Variants in ARHGAP39 observed in about 807,000 individuals in gnomAD.
ARHGAP39 encodes the protein rho GTPase-activating protein 39.
Under a neutral mutation model 106.9 loss-of-function variants are expected in ARHGAP39, and 44 were observed. The ratio of observed to expected loss-of-function variants is 0.41; its 90% CI spans 0.32 to 0.53. The LOEUF is 0.53. Ranked by LOEUF, ARHGAP39 falls within the 20% of genes least tolerant of loss-of-function variation. The pLI is 0.21. For missense variants in ARHGAP39, 1,496 were observed against 1,577.3 expected (o/e 0.95, Z 0.87); for synonymous variants, 768 against 693.2 (o/e 1.11, Z -1.69).
At chr8:144,681,643 A>T (rs369895663) in intron 1 of ARHGAP39, among the ~76,000 whole-genome samples, 3 of 152,342 alleles carry the variant, frequency 2.0e-5, no homozygotes, top group Admixed American at 6.5e-5. Context: ...AGGACATGCC[A>T]ACTCTCCATG....
chr8:144,598,233 G>A (rs905003901), intron 2 of ARHGAP39, among the ~76,000 whole-genome samples: 1 of 152,220 alleles, frequency 6.6e-6, no homozygotes, highest in African/African-American at 2.4e-5. Context: ...GTGTAAAGGG[G>A]AAACTCGGAA....
chr8:144,547,937 C>G lies in ARHGAP39; in HGVS notation c.1149G>C (p.Leu383=). Reference sequence around the variant, plus strand: ...TGCCGGCGGGACTGTACTCCAGGCTCAGGAAGCGCTCGGGACACTTCTGCT... The same window carrying G: ...TGCCGGCGGGACTGTACTCCAGGCTGAGGAAGCGCTCGGGACACTTCTGCT... ...LTKQKCPERF[L]SLEYSPAGKE... The change falls in exon 5 of 12, where the codon CTG becomes CTC. Residue 383 remains leucine, a synonymous_variant. Coordinates refer to ENST00000377307, the MANE Select transcript of ARHGAP39 (RefSeq NM_025251.3). The surrounding 1 kb of genome is among the most constrained non-coding windows in gnomAD (Gnocchi z 5.2). 6.3e-7 allele frequency: 1 copy of G among 1,593,738 alleles called. No homozygotes were observed. The highest frequency in any genetic ancestry group is 8.5e-7 in the Non-Finnish European group (1 of 1,170,610).
intron 3 of ARHGAP39, among the ~76,000 whole-genome samples, chr8:144,556,558 T>C (rs965977763): frequency 7.3e-5 from 11 of 151,154 alleles, no homozygotes; most frequent in Non-Finnish European, 1.5e-4. Flanking sequence ...TGAACCTTCA[T>C]AGTATTCAGA....
chr8:144,659,157 G>T (rs117558935), intron 1 of ARHGAP39, among the ~76,000 whole-genome samples: 2 of 152,044 alleles, frequency 1.3e-5, no homozygotes, highest in African/African-American at 4.8e-5. Context: ...CAGGGAACTC[G>T]ACACAAACAG....
rs1208922274 is a variant in ARHGAP39, at chr8:144,574,047, CCT to C, written c.512+6797_512+6798del. Among the ~76,000 whole-genome samples, 6 of 151,816 alleles carry C rather than the reference CCT, an allele frequency of 4.0e-5. No individual in the cohort carries two copies. In the East Asian group the frequency reaches 1.2e-3, roughly 29 times the overall value. ...AATCAGCCAGGCATGGTGGCGCCCCCCTGTAATCCCAGCTACTCAGGAGGCTG... is the reference window on the plus strand; with the variant it reads ...AATCAGCCAGGCATGGTGGCGCCCCCGTAATCCCAGCTACTCAGGAGGCTG... On this transcript the variant is annotated intron_variant, in intron 3 of 11. Transcript: ENST00000377307.
intron 1 of ARHGAP39, among the ~76,000 whole-genome samples, chr8:144,661,350 G>A (rs569546675): frequency 2.0e-5 from 3 of 152,298 alleles, no homozygotes; most frequent in East Asian, 1.9e-4. Flanking sequence ...TGCAGAGGTG[G>A]GCTCCACACA....
chr8:144,559,106 G>A (rs1818048955), intron 3 of ARHGAP39, among the ~76,000 whole-genome samples: 1 of 152,096 alleles, frequency 6.6e-6, no homozygotes, highest in Non-Finnish European at 1.5e-5. Flanking sequence ...TACTCGGGAG[G>A]CTGAGGCAGG....
chr8:144,533,758 G>C (rs1816828754), intron 8 of ARHGAP39, among the ~76,000 whole-genome samples: 1 of 152,256 alleles, frequency 6.6e-6, no homozygotes, highest in African/African-American at 2.4e-5. Flanking sequence ...GTCTGTGGCA[G>C]GGCTGAGAGC....
At chr8:144,691,169 G>A in the ARHGAP39 span, among the ~76,000 whole-genome samples, 2 of 152,158 alleles carry the variant, frequency 1.3e-5, no homozygotes, top group Non-Finnish European at 2.9e-5. Context: ...CTCAACTAGT[G>A]ACTGTGTCTG....
At chr8:144,666,659 C>T (rs1821970205) in intron 1 of ARHGAP39, among the ~76,000 whole-genome samples, 1 of 152,186 alleles carries the variant, frequency 6.6e-6, no homozygotes, top group South Asian at 2.1e-4. Flanking sequence ...GTGACCTTCA[C>T]CTCCCGCTAT....
At position 144,644,489 on chromosome 8, in the gene ARHGAP39, T is replaced by C. The variant is rs1383160083; in HGVS notation, c.-81-38794A>G. Among the ~76,000 whole-genome samples the C allele has an allele frequency of 6.6e-6, 1 of 152,208 alleles. No individual in the cohort carries two copies. Among genetic ancestry groups the C allele is most frequent in the African/African-American group, 2.4e-5 (1 of 41,450 alleles). On this transcript the variant is annotated intron_variant, in intron 1 of 11. Coordinates refer to ENST00000377307, the MANE Select transcript of ARHGAP39 (RefSeq NM_025251.3). This position sits in a 1 kb window ranked among gnomAD's most constrained non-coding sequence, Gnocchi z 4.8. ...TGGCTGCACGACTCTACAAATTTAC[T>C]AAAAACCATGGGATTATATACTTGA... is the stretch of plus-strand genomic sequence containing the variant.
rs1006095052 is a variant in ARHGAP39, at chr8:144,562,345, C to T, written c.513-6702G>A. On this transcript the variant is annotated intron_variant, in intron 3 of 11. Coordinates refer to ENST00000377307, the MANE Select transcript of ARHGAP39 (RefSeq NM_025251.3). ...CATCACGCTCCAGTGGTTTCCATCA[C>T]GCTCCAGTGGTTTCCATCGGACCCC... Among the ~76,000 whole-genome samples, 17 of 140,790 alleles carry T rather than the reference C, an allele frequency of 1.2e-4. No homozygotes were observed. The South Asian group carries it at 1.2e-3, about 10-fold the overall frequency. 92.4% of individuals were successfully genotyped at this position (140,790 alleles called of 152,430 possible).
At chr8:144,676,255 C>A (rs2129745721) in intron 1 of ARHGAP39, among the ~76,000 whole-genome samples, 1 of 152,312 alleles carries the variant, frequency 6.6e-6, no homozygotes, top group South Asian at 2.1e-4. Flanking sequence ...TCCGTTTTGA[C>A]AGGGTGCTGA....
chr8:144,698,631 C>T, the ARHGAP39 span: 10 of 270,926 alleles, frequency 3.7e-5, no homozygotes, highest in Middle Eastern at 1.4e-3. Flanking sequence ...TTAGTTAATT[C>T]AAGTTTTCTA....
chr8:144,687,002 ACCATTTCCCACCCCCGTGACCACGCACTG>A (rs1398106791), upstream of ARHGAP39, among the ~76,000 whole-genome samples: 26 of 79,166 alleles, frequency 3.3e-4, 1 homozygote, highest in African/African-American at 1.9e-3. Context: ...ACTGGCGGCG[ACCATTTCCCACCCCCGTGACCACGCACTG>A]GCGGCGAGCA....
At position 144,558,991 on chromosome 8, in the gene ARHGAP39, A is replaced by G. The variant is rs546918443; in HGVS notation, c.513-3348T>C. Among the ~76,000 whole-genome samples, 11 of 152,014 alleles carry G rather than the reference A, an allele frequency of 7.2e-5. No individual in the cohort carries two copies. The East Asian group carries it at 1.7e-3, about 24-fold the overall frequency. ...TGGGAGGCCAAGGTGGGCGGATCACAAGGTCAAGAGTTTGAGACCAGCCTG... is the reference window on the plus strand; with the variant it reads ...TGGGAGGCCAAGGTGGGCGGATCACGAGGTCAAGAGTTTGAGACCAGCCTG... On this transcript the variant is annotated intron_variant, in intron 3 of 11. Transcript: ENST00000377307.
chr8:144,571,723 T>C (rs901580068), intron 3 of ARHGAP39, among the ~76,000 whole-genome samples: 1 of 152,234 alleles, frequency 6.6e-6, no homozygotes, highest in Non-Finnish European at 1.5e-5. Flanking sequence ...GATGACATGA[T>C]TGTATATTTA....
At chr8:144,557,965 G>T (rs1054042333) in intron 3 of ARHGAP39, among the ~76,000 whole-genome samples, 12 of 152,268 alleles carry the variant, frequency 7.9e-5, no homozygotes, top group African/African-American at 2.4e-4. Context: ...TCAGCCTAGA[G>T]AAATTAAAAC....
At chr8:144,609,470 C>T (rs796343194) in intron 1 of ARHGAP39, among the ~76,000 whole-genome samples, 2 of 143,004 alleles carry the variant, frequency 1.4e-5, no homozygotes, top group African/African-American at 2.6e-5. Flanking sequence ...GGCATGATCT[C>T]GGCTGACTGC....
Sources: allele counts gnomAD v4.1 joint callset (sites outside exome capture counted in the v4.1 genomes callset), GRCh38; gene constraint gnomAD v4.1.1; non-coding constraint Gnocchi (gnomAD v3.1); transcripts MANE v1.5; gene names NCBI Gene and HGNC (gene_info 2026-07-23, HGNC 2026-07-21).